Variants in NAV3 observed in about 807,000 individuals in gnomAD.
The protein encoded by NAV3 is pore membrane and/or filament interacting like protein 1.
In NAV3, 87 loss-of-function variants were observed where a neutral mutation model predicts 244.7. The observed-to-expected ratio is 0.36, with a 90% CI of 0.30 to 0.42. The LOEUF (loss-of-function observed/expected upper bound fraction) is 0.42. Among genes scored for constraint, NAV3 ranks in the 20% least tolerant of loss-of-function variants. The pLI, the probability that NAV3 is intolerant of heterozygous loss-of-function variation, is 1.00. For synonymous variants in NAV3, 1,126 were observed against 1,042.2 expected (o/e 1.08, Z -1.55); for missense variants, 2,663 against 2,893.3 (o/e 0.92, Z 1.83).
intron 2 of NAV3, among the ~76,000 whole-genome samples, chr12:77,587,359 A>G (rs1191108176): frequency 1.3e-5 from 2 of 152,138 alleles, no homozygotes; most frequent in African/African-American, 4.8e-5. Context: ...CATGCATAAT[A>G]TTTTCCATCA....
intron 2 of NAV3, among the ~76,000 whole-genome samples, chr12:77,637,940 T>G (rs576732565): frequency 1.4e-3 from 218 of 152,346 alleles, no homozygotes; most frequent in African/African-American, 5.1e-3. Context: ...AATTTCTGAA[T>G]TGACATTTTA....
At chr12:77,782,279 C>T (rs12369454) in intron 2 of NAV3, among the ~76,000 whole-genome samples, 58,838 of 145,322 alleles carry the variant, frequency 0.4, 12,981 homozygotes, top group East Asian at 0.47. Flanking sequence ...CCTCCCTTCC[C>T]GTCCCCTCCC....
At chr12:77,835,084 G>T (rs111314665) in intron 1 of NAV3, among the ~76,000 whole-genome samples, 2 of 3,324 alleles carry the variant, frequency 6.0e-4, no homozygotes, top group Non-Finnish European at 3.6e-3. Context: ...TCAGGAAGTT[G>T]TCAGGGAACC....
chr12:77,790,201 A>G (rs1181864270), intron 2 of NAV3, among the ~76,000 whole-genome samples: 1 of 152,204 alleles, frequency 6.6e-6, no homozygotes, highest in Non-Finnish European at 1.5e-5. Context: ...AAATTTATTC[A>G]TACTACAACT....
intron 2 of NAV3, among the ~76,000 whole-genome samples, chr12:77,748,865 G>T (rs189936396): frequency 1.7e-3 from 261 of 152,278 alleles, no homozygotes; most frequent in African/African-American, 5.9e-3. Flanking sequence ...AGAGAAAAGA[G>T]CTTAAATGTT....
intron 22 of NAV3, among the ~76,000 whole-genome samples, chr12:78,154,961 G>A (rs1379720821): frequency 6.6e-6 from 1 of 151,874 alleles, no homozygotes; most frequent in Non-Finnish European, 1.5e-5. Context: ...AACTTCTAAA[G>A]TAGCAATGTT....
intron 2 of NAV3, among the ~76,000 whole-genome samples, chr12:77,681,341 C>A (rs987110152): frequency 2.0e-5 from 3 of 152,126 alleles, no homozygotes; most frequent in African/African-American, 4.8e-5. Context: ...TATGCCAAAT[C>A]TTTTGTGTGT....
At chr12:77,721,863 G>T (rs1404202622) in intron 2 of NAV3, among the ~76,000 whole-genome samples, 1 of 152,100 alleles carries the variant, frequency 6.6e-6, no homozygotes, top group Non-Finnish European at 1.5e-5. Context: ...CAAAGTCTAT[G>T]AATTGAATCA....
At chr12:77,839,462 TC>T (rs1349135728) in intron 1 of NAV3, among the ~76,000 whole-genome samples, 1 of 152,192 alleles carries the variant, frequency 6.6e-6, no homozygotes, top group African/African-American at 2.4e-5. Context: ...TTTGGAATAC[TC>T]CAATATTTAC....
At chr12:78,075,345 G>T (rs1040907179) in intron 12 of NAV3, among the ~76,000 whole-genome samples, 2 of 152,122 alleles carry the variant, frequency 1.3e-5, no homozygotes, top group African/African-American at 4.8e-5. Flanking sequence ...TTTATAAAAT[G>T]AATGAAACTA....
chr12:77,681,126 C>G (rs1225964967), intron 2 of NAV3, among the ~76,000 whole-genome samples: 2 of 152,036 alleles, frequency 1.3e-5, no homozygotes, highest in African/African-American at 4.8e-5. Flanking sequence ...ATCACTTCTC[C>G]GATAAGCTCT....
chr12:77,941,097 A>C lies in NAV3; in HGVS notation c.378A>C (p.Glu126Asp). ...IIQIIANEKV[E>D]DINGCPRSQS... ...TGGCTTTAGCAAATGAAAAAGTTGA[A>C]GATATCAATGGATGTCCTAGAAGTC... The change falls in exon 3 of 40, where the codon GAA (glutamate) becomes GAC (aspartate). Residue 126 changes from glutamate (E) to aspartate (D), a missense_variant. Glu to Asp is a conservative substitution (Grantham distance 45). Coordinates refer to ENST00000397909, the MANE Select transcript of NAV3 (RefSeq NM_001024383.2). 6.3e-7 allele frequency: 1 copy of C among 1,585,928 alleles called. No homozygotes were observed. Among genetic ancestry groups the C allele is most frequent in the Non-Finnish European group, 8.6e-7 (1 of 1,160,616 alleles).
chr12:77,904,445 G>A (rs1885716904), intron 1 of NAV3, among the ~76,000 whole-genome samples: 1 of 152,120 alleles, frequency 6.6e-6, no homozygotes. Context: ...ATTGAACAAT[G>A]AGAACACATG....
intron 9 of NAV3, among the ~76,000 whole-genome samples, chr12:78,044,428 C>A (rs754850141): frequency 6.6e-6 from 1 of 151,884 alleles, no homozygotes; most frequent in Non-Finnish European, 1.5e-5. Context: ...TTTTTTGGTT[C>A]CATATGAAAT....
At chr12:77,848,554 C>A (rs924477120) in intron 1 of NAV3, among the ~76,000 whole-genome samples, 2 of 152,190 alleles carry the variant, frequency 1.3e-5, no homozygotes, top group Non-Finnish European at 2.9e-5. Context: ...GTGTTTTACT[C>A]CAAATAAATC....
intron 2 of NAV3, among the ~76,000 whole-genome samples, chr12:77,592,588 C>T (rs1386566118): frequency 1.3e-5 from 2 of 152,154 alleles, no homozygotes; most frequent in Non-Finnish European, 2.9e-5. Context: ...TTTTTAGCCT[C>T]CCTTAATGGA....
chr12:78,040,570 A>T (rs532827766), intron 9 of NAV3, among the ~76,000 whole-genome samples: 8 of 152,324 alleles, frequency 5.3e-5, no homozygotes, highest in African/African-American at 2.4e-5. Flanking sequence ...CATAATTGAG[A>T]TATTAATTTT....
At chr12:78,186,352 A>C (rs1487470047) in intron 31 of NAV3, among the ~76,000 whole-genome samples, 2 of 151,918 alleles carry the variant, frequency 1.3e-5, no homozygotes, top group Middle Eastern at 3.2e-3. Context: ...ATTTTTTTAC[A>C]TCAAGCAAAT....
At chr12:77,658,181 G>C (rs955900334) in intron 2 of NAV3, among the ~76,000 whole-genome samples, 2 of 152,246 alleles carry the variant, frequency 1.3e-5, no homozygotes, top group Middle Eastern at 3.4e-3. Context: ...CCTGTTTGCA[G>C]ACGACATGAT....
Sources: gnomAD v4.1 joint callset for allele counts (sites outside exome capture counted in the v4.1 genomes callset) on GRCh38, gnomAD v4.1.1 for gene constraint, MANE v1.5 for transcripts, NCBI Gene and HGNC (gene_info 2026-07-23, HGNC 2026-07-21) for gene names.